BCAS3: variants seen among roughly 807,000 people sequenced by gnomAD.
BCAS3 encodes the protein BCAS3 microtubule associated cell migration factor, also known as BCAS4/BCAS3 fusion.
BCAS3 carries 53 observed loss-of-function variants against 116.1 expected under a neutral mutation model. That is an observed-to-expected ratio of 0.46 (90% CI 0.37 to 0.57). The LOEUF (loss-of-function observed/expected upper bound fraction) is 0.57. BCAS3 is among the 20% of genes least tolerant of loss of function. The pLI, the probability that BCAS3 is intolerant of heterozygous loss-of-function variation, is 0.00. For synonymous variants in BCAS3, 391 were observed against 408.2 expected (o/e 0.96, Z 0.51); for missense variants, 917 against 1,165.4 (o/e 0.79, Z 3.10).
rs531877992 is a variant in BCAS3 at position 60,779,992 on chromosome 17, A to AT, written c.404-27997dup. On this transcript the variant is annotated intron_variant, in intron 6 of 23. Coordinates refer to ENST00000407086, the MANE Select transcript of BCAS3 (RefSeq NM_017679.5). ...TATCTAAAAAACTTTACTATTTTTA[A>AT]TTTTTTTTTTTTTTTGAGATGGAGT... Among the ~76,000 whole-genome samples, 1,352 of 143,852 alleles carry AT rather than the reference A, an allele frequency of 9.4e-3. 15 individuals carry two copies. The highest frequency in any genetic ancestry group is 0.059 in the South Asian group (267 of 4,550). 94.4% of individuals were successfully genotyped at this position (143,852 alleles called of 152,430 possible). A position where few individuals can be genotyped will look rare whatever the true frequency, so the allele number is the denominator to read the frequency against.
chr17:60,924,879 T>C (rs958025689), intron 13 of BCAS3, among the ~76,000 whole-genome samples: 1 of 151,918 alleles, frequency 6.6e-6, no homozygotes, highest in Admixed American at 6.6e-5. Context: ...CAACACTTTG[T>C]AAGCTAATTT....
At chr17:61,238,879 C>T (rs897866459) in intron 22 of BCAS3, among the ~76,000 whole-genome samples, 3 of 152,048 alleles carry the variant, frequency 2.0e-5, no homozygotes, top group Non-Finnish European at 4.4e-5. Flanking sequence ...AGGTGGAAGC[C>T]AAATTTCCTC....
intron 22 of BCAS3, among the ~76,000 whole-genome samples, chr17:61,242,666 T>C (rs1166225962): frequency 6.6e-6 from 1 of 152,214 alleles, no homozygotes; most frequent in Non-Finnish European, 1.5e-5. Context: ...GGAAAATATA[T>C]GTCCAGAGCC....
intron 22 of BCAS3, among the ~76,000 whole-genome samples, chr17:61,274,491 G>T (rs895125420): frequency 2.0e-5 from 3 of 151,962 alleles, no homozygotes; most frequent in Non-Finnish European, 4.4e-5. Flanking sequence ...GTTTCACCAT[G>T]TTGGCCAGGC....
In BCAS3 at chr17:61,077,155, A is replaced by C. The variant is rs1480015897; in HGVS notation, c.2131-1178A>C. On this transcript the variant is annotated intron_variant, in intron 20 of 23. Coordinates refer to ENST00000407086, the MANE Select transcript of BCAS3 (RefSeq NM_017679.5). The surrounding 1 kb of genome is among the most constrained non-coding windows in gnomAD (Gnocchi z 4.3). ...TTATTTGTAAAAAAAAAAAAAAATCATGTAATATATATATTTTCAGGTTTT... is the reference window on the plus strand; with the variant it reads ...TTATTTGTAAAAAAAAAAAAAAATCCTGTAATATATATATTTTCAGGTTTT... Among the ~76,000 whole-genome samples, 1 of 151,262 alleles carries C rather than the reference A, an allele frequency of 6.6e-6. No homozygotes were observed. Among genetic ancestry groups the C allele is most frequent in the East Asian group, 1.9e-4 (1 of 5,192 alleles).
chr17:61,153,182 T>C (rs1187995522), intron 22 of BCAS3, among the ~76,000 whole-genome samples: 1 of 152,190 alleles, frequency 6.6e-6, no homozygotes, highest in Non-Finnish European at 1.5e-5. Flanking sequence ...ATCTCACCTT[T>C]TATGAGAGTG....
At chr17:60,891,611 G>A (rs915617364) in intron 10 of BCAS3, 5 of 447,792 alleles carry the variant, frequency 1.1e-5, no homozygotes, top group Non-Finnish European at 1.8e-5. Flanking sequence ...GTCTCTTTCA[G>A]TGAAAATGCT....
chr17:60,848,616 G>A (rs1028873560), intron 7 of BCAS3, among the ~76,000 whole-genome samples: 5 of 152,030 alleles, frequency 3.3e-5, no homozygotes, highest in African/African-American at 1.2e-4. Context: ...CTGATGTTAG[G>A]GGAAAAACTT....
At chr17:61,372,594 G>A (rs1360735133) in intron 23 of BCAS3, among the ~76,000 whole-genome samples, 1 of 152,038 alleles carries the variant, frequency 6.6e-6, no homozygotes, top group Non-Finnish European at 1.5e-5. Context: ...AAAGCCCTTT[G>A]AGACCAGCCA....
At chr17:61,312,772 C>T (rs893726702) in intron 22 of BCAS3, among the ~76,000 whole-genome samples, 1 of 152,186 alleles carries the variant, frequency 6.6e-6, no homozygotes, top group Non-Finnish European at 1.5e-5. Context: ...TCGGGGACAT[C>T]AGTGGCTCTG....
chr17:60,939,210 C>T (rs1465949811), intron 13 of BCAS3, among the ~76,000 whole-genome samples: 1 of 152,032 alleles, frequency 6.6e-6, no homozygotes, highest in Non-Finnish European at 1.5e-5. Context: ...GTGGGTAGAT[C>T]ACTTGAGGCC....
At chr17:60,890,041 C>T (rs1318362116) in intron 10 of BCAS3, among the ~76,000 whole-genome samples, 2 of 152,198 alleles carry the variant, frequency 1.3e-5, no homozygotes, top group Non-Finnish European at 2.9e-5. Flanking sequence ...TATTAATTTG[C>T]AGCATTGAGA....
chr17:60,872,418 T>A (rs1310638510), intron 8 of BCAS3, among the ~76,000 whole-genome samples: 1 of 151,400 alleles, frequency 6.6e-6, no homozygotes, highest in African/African-American at 2.4e-5. Flanking sequence ...CCCATATATA[T>A]CTGTATGTAT....
At position 61,068,657 on chromosome 17, in the gene BCAS3, C is replaced by G. The variant is rs2070986494; in HGVS notation, c.2030-6263C>G. On this transcript the variant is annotated intron_variant, in intron 19 of 23. Transcript: ENST00000407086. The surrounding 1 kb of genome is among the most constrained non-coding windows in gnomAD (Gnocchi z 4.3). Reference sequence around the variant, plus strand: ...CTCTTGCCACTTCCCTTAACTCTGCCCAAGATTGAAGACATAAGTTTTCAC... The same window carrying G: ...CTCTTGCCACTTCCCTTAACTCTGCGCAAGATTGAAGACATAAGTTTTCAC... Among the ~76,000 whole-genome samples the G allele has an allele frequency of 6.6e-6, 1 of 152,154 alleles. No homozygotes were observed. The highest frequency in any genetic ancestry group is 6.5e-5 in the Admixed American group (1 of 15,268).
rs75422762 is a variant in BCAS3 at position 61,276,799 on chromosome 17, A to G, written c.2426-91528A>G. On this transcript the variant is annotated intron_variant, in intron 22 of 23. Transcript: ENST00000407086. This position sits in a 1 kb window ranked among gnomAD's most constrained non-coding sequence, Gnocchi z 4.2. ...TGAAGGCCTCGACTTTTCAATTTCAAAATATACTTCTAAGCTACAGTAATC... is the reference window on the plus strand; with the variant it reads ...TGAAGGCCTCGACTTTTCAATTTCAGAATATACTTCTAAGCTACAGTAATC... Among the ~76,000 whole-genome samples, 4,825 of 152,296 alleles carry G rather than the reference A, an allele frequency of 0.032. 259 individuals carry two copies. The highest frequency in any genetic ancestry group is 0.11 in the African/African-American group (4,489 of 41,548).
chr17:60,871,016 C>T lies in BCAS3; in HGVS notation c.584+2333C>T, dbSNP rs188759198. ...TCATTTATTAGTTTTGATAATTTAT[C>T]AATAGTTTTGACAATGGTCTTCCCA... On this transcript the variant is annotated intron_variant, in intron 8 of 23. Coordinates refer to ENST00000407086, the MANE Select transcript of BCAS3 (RefSeq NM_017679.5). 7.3e-4 allele frequency among the ~76,000 whole-genome samples: 111 copies of T among 152,240 alleles called. 1 individual carries two copies. In the Middle Eastern group the frequency reaches 0.017, roughly 23 times the overall value.
intron 6 of BCAS3, among the ~76,000 whole-genome samples, chr17:60,806,786 C>G (rs2048324284): frequency 1.3e-5 from 2 of 152,152 alleles, no homozygotes; most frequent in African/African-American, 4.8e-5. Flanking sequence ...CTGCCTCCGC[C>G]TCCCAAAGTG....
At chr17:60,939,072 G>GA (rs1361770437) in intron 13 of BCAS3, among the ~76,000 whole-genome samples, 1 of 152,124 alleles carries the variant, frequency 6.6e-6, no homozygotes, top group African/African-American at 2.4e-5. Flanking sequence ...CCAAGGAAAA[G>GA]AAAAACATGT....
intron 22 of BCAS3, among the ~76,000 whole-genome samples, chr17:61,107,104 T>TTG (rs2074711146): frequency 6.7e-6 from 1 of 149,068 alleles, no homozygotes; most frequent in Non-Finnish European, 1.5e-5. Flanking sequence ...TTTTTTTTTT[T>TTG]GAGACGGAGT....
Sources: gnomAD v4.1 joint callset for allele counts (sites outside exome capture counted in the v4.1 genomes callset) on GRCh38, gnomAD v4.1.1 for gene constraint, Gnocchi (gnomAD v3.1) non-coding constraint, MANE v1.5 for transcripts, NCBI Gene and HGNC (gene_info 2026-07-23, HGNC 2026-07-21) for gene names.